The following KPNB1 variants were observed in gnomAD, a reference collection of about 807,000 sequenced individuals.
KPNB1 encodes the protein importin subunit beta-1.
Under a neutral mutation model 113.0 loss-of-function variants are expected in KPNB1, and 7 were observed. The ratio of observed to expected loss-of-function variants is 0.06; its 90% CI spans 0.04 to 0.12. The LOEUF (loss-of-function observed/expected upper bound fraction) is 0.12. Ranked by LOEUF, KPNB1 falls within the 10% of genes least tolerant of loss-of-function variation. KPNB1 has a pLI of 1.00. For synonymous variants in KPNB1, 363 were observed against 378.6 expected, an observed-to-expected ratio of 0.96 and a Z score of 0.48; for missense variants, 400 against 1,054.8, an observed-to-expected ratio of 0.38 and a Z score of 8.60.
At chr17:47,657,116 A>G (rs1729344340) in intron 4 of KPNB1, 56 bp downstream of exon 4, 1 of 1,411,800 alleles carries the variant, frequency 7.1e-7, no homozygotes, top group Non-Finnish European at 9.9e-7. Flanking sequence ...TCTAGCTGTG[A>G]CATCAATGAT....
intron 5 of KPNB1, among the ~76,000 whole-genome samples, chr17:47,659,652 AGGGCTTATAAT>A (rs2030029025): frequency 6.6e-6 from 1 of 152,196 alleles, no homozygotes; most frequent in Admixed American, 6.5e-5. Flanking sequence ...TTGTGTTTAC[AGGGCTTATAAT>A]GGAAAAAAAA....
intron 3 of KPNB1, among the ~76,000 whole-genome samples, chr17:47,653,874 C>G (rs1915647744): frequency 6.6e-6 from 1 of 152,142 alleles, no homozygotes. Flanking sequence ...CGTTTTGGAG[C>G]ATGTAGAGCT....
At chr17:47,662,801 T>C (rs111841087) in intron 6 of KPNB1, among the ~76,000 whole-genome samples, 4 of 152,056 alleles carry the variant, frequency 2.6e-5, no homozygotes, top group Middle Eastern at 3.4e-3. Context: ...GAGAATTGCT[T>C]GAATCGGGGA....
intron 19 of KPNB1, 128 bp downstream of exon 19, chr17:47,678,541 G>A: frequency 8.9e-6 from 6 of 675,076 alleles, no homozygotes; most frequent in African/African-American, 1.8e-5. Flanking sequence ...GGAGAAGGGG[G>A]AGCAGTGCCC....
At chr17:47,650,970 C>T (rs1286198243) in intron 2 of KPNB1, among the ~76,000 whole-genome samples, 2 of 152,202 alleles carry the variant, frequency 1.3e-5, no homozygotes, top group African/African-American at 2.4e-5. Context: ...ACCCGACTGC[C>T]TCTTAACCCA....
rs908509407 is a variant in KPNB1 at position 47,684,772 on chromosome 17, T to A, written c.*2368T>A. 6.5e-6 allele frequency: 1 copy of A among 152,706 alleles called. No homozygotes were observed. The highest frequency in any genetic ancestry group is 6.6e-5 in the Admixed American group (1 of 15,262). The allele number at this position is 152,706 out of a possible 1,614,324, so 9.5% of individuals were successfully genotyped here. A position where few individuals can be genotyped will look rare whatever the true frequency, so the allele number is the denominator to read the frequency against. ...CATTCAGTGGTGGAGAGGAGGAAAATGGGCTGGTTGGATGTGGTCTTGGTG... is the reference window on the plus strand; with the variant it reads ...CATTCAGTGGTGGAGAGGAGGAAAAAGGGCTGGTTGGATGTGGTCTTGGTG... On this transcript the variant is annotated 3_prime_UTR_variant, in exon 22 of 22. Transcript: ENST00000290158.
In KPNB1 at chr17:47,663,061, A is replaced by G. The variant is rs368722809; in HGVS notation, c.697-28A>G. The G allele has an allele frequency of 2.8e-4, 340 of 1,227,408 alleles. 1 individual carries two copies. Among genetic ancestry groups the G allele is most frequent in the Non-Finnish European group, 3.9e-4 (324 of 827,384 alleles). The allele number at this position is 1,227,408 out of a possible 1,614,324, so 76.0% of individuals were successfully genotyped here. Reference sequence around the variant, plus strand: ...TGTCAGATTGCGTTGTTATTTTAGTAAACTATCTGATCTGCTGTTCATAAA... The same window carrying G: ...TGTCAGATTGCGTTGTTATTTTAGTGAACTATCTGATCTGCTGTTCATAAA... On this transcript the variant is annotated intron_variant, in intron 6 of 21. Coordinates refer to ENST00000290158, the MANE Select transcript of KPNB1 (RefSeq NM_002265.6).
chr17:47,678,623 T>C (rs2030682164), intron 19 of KPNB1: 9 of 526,522 alleles, frequency 1.7e-5, no homozygotes, highest in Non-Finnish European at 3.1e-5. Context: ...TTTTTTTTGT[T>C]TTGAGACGGA....
rs1475880013 is a variant in KPNB1, at chr17:47,670,699, C to T, written c.1417-3C>T. On this transcript the variant is annotated splice_polypyrimidine_tract_variant and splice_region_variant and intron_variant, in intron 11 of 21. Transcript: ENST00000290158. ...ATTAACATTGAACCTATGTGCATTTCAGGCTTTCTCCAGTCTGGCTGAAGC... is the reference window on the plus strand; with the variant it reads ...ATTAACATTGAACCTATGTGCATTTTAGGCTTTCTCCAGTCTGGCTGAAGC... 15 of 1,607,294 alleles carry T rather than the reference C, an allele frequency of 9.3e-6. No individual in the cohort carries two copies. Among genetic ancestry groups the T allele is most frequent in the Non-Finnish European group, 1.1e-5 (13 of 1,174,566 alleles).
intron 3 of KPNB1, among the ~76,000 whole-genome samples, chr17:47,655,285 A>G (rs907751846): frequency 2.0e-4 from 30 of 152,026 alleles, no homozygotes; most frequent in African/African-American, 7.2e-4. Context: ...CTGTGCCTTT[A>G]CTCTTTACAT....
chr17:47,657,127 A>G lies in KPNB1; in HGVS notation c.483+67A>G, dbSNP rs548405150. ...TGCCTCTAGCTGTGACATCAATGAT[A>G]TTAGTACTACCTTATTGAATCACGA... On this transcript the variant is annotated intron_variant, in intron 4 of 21. Coordinates refer to ENST00000290158, the MANE Select transcript of KPNB1 (RefSeq NM_002265.6). The G allele has an allele frequency of 4.9e-4, 621 of 1,261,070 alleles. 7 individuals carry two copies. The South Asian group carries it at 7.0e-3, about 14-fold the overall frequency. 78.1% of individuals were successfully genotyped at this position (1,261,070 alleles called of 1,614,324 possible). A position where few individuals can be genotyped will look rare whatever the true frequency, so the allele number is the denominator to read the frequency against.
intron 8 of KPNB1, 85 bp downstream of exon 8, chr17:47,664,354 T>G (rs2143125219): frequency 1.1e-6 from 1 of 929,184 alleles, no homozygotes; most frequent in Non-Finnish European, 1.8e-6. Flanking sequence ...GAGAACTTTA[T>G]TCTGTCTGGG....
Position 47,673,486 on chromosome 17 carries a change from G to C in KPNB1, c.1696-4G>C, listed in dbSNP as rs753340132. 9.9e-6 allele frequency: 16 copies of C among 1,610,190 alleles called. No homozygotes were observed. In the South Asian group the frequency reaches 1.6e-4, roughly 17 times the overall value. The stretch of plus-strand genomic sequence containing the variant: ...TAGAGTATGTTTTCTTATTTTCTTT[G>C]TAGTCACATATCCAGAGCACATCCG... On this transcript the variant is annotated splice_region_variant and splice_polypyrimidine_tract_variant and intron_variant, in intron 13 of 21. Coordinates refer to ENST00000290158, the MANE Select transcript of KPNB1 (RefSeq NM_002265.6).
chr17:47,672,929 C>T, intron 12 of KPNB1, 89 bp from the exon 13 acceptor site: 1 of 1,277,580 alleles, frequency 7.8e-7, no homozygotes, highest in Non-Finnish European at 1.1e-6. Flanking sequence ...ATACCGGTTC[C>T]TGAGTTCTTA....
chr17:47,670,199 G>A, intron 11 of KPNB1: 1 of 297,200 alleles, frequency 3.4e-6, no homozygotes, highest in Non-Finnish European at 6.5e-6. Context: ...TCATTGCTGA[G>A]TAGAGGGCAA....
intron 4 of KPNB1, among the ~76,000 whole-genome samples, chr17:47,658,062 T>C (rs2029960878): frequency 6.6e-6 from 1 of 152,190 alleles, no homozygotes; most frequent in African/African-American, 2.4e-5. Flanking sequence ...CACTGCACTT[T>C]AGTCTGGGCA....
At chr17:47,666,527 TTA>T (rs1053889264) in intron 9 of KPNB1, among the ~76,000 whole-genome samples, 3 of 111,804 alleles carry the variant, frequency 2.7e-5, no homozygotes, top group East Asian at 2.7e-4. Flanking sequence ...TTTATATGTA[TTA>T]TGTTATATAT....
At chr17:47,656,328 G>A (rs1283705949) in intron 3 of KPNB1, among the ~76,000 whole-genome samples, 1 of 151,942 alleles carries the variant, frequency 6.6e-6, no homozygotes, top group Non-Finnish European at 1.5e-5. Context: ...TAGCACTTTG[G>A]GAGGCCAGGA....
chr17:47,674,913 C>T, intron 15 of KPNB1, 131 bp downstream of exon 15: 1 of 868,428 alleles, frequency 1.2e-6, no homozygotes. Context: ...AAATCGTGGG[C>T]TCACATGATC....
Sources: allele counts gnomAD v4.1 joint callset (sites outside exome capture counted in the v4.1 genomes callset), GRCh38; gene constraint gnomAD v4.1.1; transcripts MANE v1.5; gene names NCBI Gene and HGNC (gene_info 2026-07-23, HGNC 2026-07-21).